Variants in CLEC4E observed in about 807,000 individuals in gnomAD.
CLEC4E encodes the protein C-type (calcium dependent, carbohydrate-recognition domain) lectin, superfamily member 9.
Under a neutral mutation model 24.7 loss-of-function variants are expected in CLEC4E, and 21 were observed. That is an observed-to-expected ratio of 0.85 (90% CI 0.60 to 1.22). The LOEUF is 1.22. Ranked by LOEUF, CLEC4E falls within the 50% of genes most tolerant of loss-of-function variation. CLEC4E has a pLI of 0.00. For synonymous variants in CLEC4E, 94 were observed against 85.7 expected (o/e 1.10, Z -0.54); for missense variants, 249 against 254.1 (o/e 0.98, Z 0.14).
At position 8,536,156 on chromosome 12, in the gene CLEC4E, A is replaced by G; in HGVS notation, c.422T>C (p.Leu141Pro). ...KPKMREFFIG[L>P]SDQVVEGQWQ... ...CTGACCCTCGACAACCTGGTCTGAC[A>G]GTCCAATAAAAAACTCTCTCATTTT... is the stretch of plus-strand genomic sequence containing the variant. Residue 141 changes from leucine (L) to proline (P), a missense_variant, in exon 5 of 6, where the codon CTG becomes CCG. By Grantham distance (98) the Leu-to-Pro change is moderately conservative (BLOSUM62 -3). Transcript: ENST00000299663. The G allele has an allele frequency of 9.3e-6, 15 of 1,613,444 alleles. No homozygotes were observed. The highest frequency in any genetic ancestry group is 1.2e-5 in the Non-Finnish European group (14 of 1,179,476).
intron 3 of CLEC4E, among the ~76,000 whole-genome samples, chr12:8,538,362 A>C (rs1444069648): frequency 6.6e-6 from 1 of 152,218 alleles, no homozygotes; most frequent in Non-Finnish European, 1.5e-5. Flanking sequence ...CAGAAATAAT[A>C]GCGTAAGCTG....
rs1221372923 is a variant in CLEC4E at position 8,533,533 on chromosome 12, T to C, written c.*1105A>G. 2 of 152,164 alleles carry C rather than the reference T, an allele frequency of 1.3e-5. No homozygotes were observed. The highest frequency in any genetic ancestry group is 4.8e-5 in the African/African-American group (2 of 41,440). 9.4% of individuals were successfully genotyped at this position (152,164 alleles called of 1,614,324 possible). On this transcript the variant is annotated 3_prime_UTR_variant, in exon 6 of 6. Coordinates refer to ENST00000299663, the MANE Select transcript of CLEC4E (RefSeq NM_014358.4). ...ACTAAGCAGCCTTAAAAAAGAAGAT[T>C]ATGTCTTTTGTGGGAACATCGGTAG...
chr12:8,540,133 A>AC (rs1209551683), intron 1 of CLEC4E, among the ~76,000 whole-genome samples, 186 bp from the exon 2 acceptor site: 1 of 152,078 alleles, frequency 6.6e-6, no homozygotes, highest in Non-Finnish European at 1.5e-5. Context: ...GCTGACCCTT[A>AC]CCCCCAGAGT....
Position 8,539,827 on chromosome 12 carries a change from TAAATTGAATTTGACCTTCAGAACCCACC to T in CLEC4E, c.130_130+27del. On this transcript the variant is annotated splice_donor_variant and splice_donor_5th_base_variant and coding_sequence_variant and intron_variant, in exon 2 of 6. Coordinates refer to ENST00000299663, the MANE Select transcript of CLEC4E (RefSeq NM_014358.4). LOFTEE classifies it high-confidence loss of function. ...TCTCCTAATATGCACCAGGAAGAAT[TAAATTGAATTTGACCTTCAGAACCCACC>T]AACACATCTGGTGATGAAACAGGCA... 1 of 1,399,290 alleles carries T rather than the reference TAAATTGAATTTGACCTTCAGAACCCACC, an allele frequency of 7.1e-7. No individual in the cohort carries two copies. Among genetic ancestry groups the T allele is most frequent in the Non-Finnish European group, 1.0e-6 (1 of 984,348 alleles). 86.7% of individuals were successfully genotyped at this position (1,399,290 alleles called of 1,614,324 possible).
chr12:8,537,049 ATATG>A, intron 4 of CLEC4E, 62 bp downstream of exon 4: 1 of 1,483,626 alleles, frequency 6.7e-7, no homozygotes, highest in Non-Finnish European at 9.3e-7. Context: ...AGCACTGTGC[ATATG>A]TATGAAAAGA....
intron 3 of CLEC4E, chr12:8,539,004 A>G: frequency 2.0e-6 from 1 of 489,986 alleles, no homozygotes; most frequent in Non-Finnish European, 3.6e-6. Context: ...TACTGTTCAG[A>G]CATACCCCTC....
chr12:8,536,028 C>G, intron 5 of CLEC4E, 62 bp downstream of exon 5: 7 of 930,404 alleles, frequency 7.5e-6, no homozygotes, highest in Non-Finnish European at 1.2e-5. Flanking sequence ...AATAATGGAC[C>G]TGATCTATTG....
chr12:8,533,953 AC>A lies in CLEC4E; in HGVS notation c.*684del, dbSNP rs1425412304. ...CTCGGGTCCTAGCTGAGCAATAGATACAAAATCTGGTGAGATCCATTCAGTC... is the reference window on the plus strand; with the variant it reads ...CTCGGGTCCTAGCTGAGCAATAGATAAAAATCTGGTGAGATCCATTCAGTC... On this transcript the variant is annotated 3_prime_UTR_variant, in exon 6 of 6. Transcript: ENST00000299663. 6.6e-6 allele frequency: 1 copy of A among 152,250 alleles called. No individual in the cohort carries two copies. Among genetic ancestry groups the A allele is most frequent in the Non-Finnish European group, 1.5e-5 (1 of 68,050 alleles). 9.4% of individuals were successfully genotyped at this position (152,250 alleles called of 1,614,324 possible). A position where few individuals can be genotyped will look rare whatever the true frequency, so the allele number is the denominator to read the frequency against.
At chr12:8,538,969 G>A (rs904612915) in intron 3 of CLEC4E, 18 of 447,620 alleles carry the variant, frequency 4.0e-5, no homozygotes, top group Non-Finnish European at 7.1e-5. Context: ...ACACTCCTGG[G>A]AATAATACCT....
chr12:8,535,348 A>G (rs1940597975), intron 5 of CLEC4E, among the ~76,000 whole-genome samples: 1 of 152,240 alleles, frequency 6.6e-6, no homozygotes, highest in African/African-American at 2.4e-5. Flanking sequence ...ATAAAGATTA[A>G]TAATACTGAT....
rs1049340625 is a variant in CLEC4E at position 8,534,342 on chromosome 12, G to A, written c.*296C>T. The A allele has an allele frequency of 2.1e-5, 4 of 187,658 alleles. No homozygotes were observed. Among genetic ancestry groups the A allele is most frequent in the East Asian group, 2.8e-4 (2 of 7,022 alleles). 11.6% of individuals were successfully genotyped at this position (187,658 alleles called of 1,614,324 possible). A position where few individuals can be genotyped will look rare whatever the true frequency, so the allele number is the denominator to read the frequency against. On this transcript the variant is annotated 3_prime_UTR_variant, in exon 6 of 6. Coordinates refer to ENST00000299663, the MANE Select transcript of CLEC4E (RefSeq NM_014358.4). ...CCCTTCTTTGCTAGACTCTGTCTTG[G>A]CTCCGTGTCCCTGTACTTTCATACG... is the stretch of plus-strand genomic sequence containing the variant.
chr12:8,537,324 G>T, intron 3 of CLEC4E, 58 bp from the exon 4 acceptor site: 3 of 1,535,042 alleles, frequency 2.0e-6, no homozygotes, highest in South Asian at 1.2e-5. Context: ...AAAACCCAAA[G>T]CTTCATCTGG....
rs1940582905 is a variant in CLEC4E at position 8,534,397 on chromosome 12, A to G, written c.*241T>C. ...CTAAAAAATGAGGCAAATGTAGCAAAAGGTAGTGAATTGCTTTGTAAATTC... is the reference window on the plus strand; with the variant it reads ...CTAAAAAATGAGGCAAATGTAGCAAGAGGTAGTGAATTGCTTTGTAAATTC... On this transcript the variant is annotated 3_prime_UTR_variant, in exon 6 of 6. Coordinates refer to ENST00000299663, the MANE Select transcript of CLEC4E (RefSeq NM_014358.4). 3.4e-6 allele frequency: 1 copy of G among 296,986 alleles called. No homozygotes were observed. Among genetic ancestry groups the G allele is most frequent in the African/African-American group, 2.2e-5 (1 of 45,836 alleles). The allele number at this position is 296,986 out of a possible 1,614,324, so 18.4% of individuals were successfully genotyped here.
rs780305512 is a variant in CLEC4E, at chr12:8,539,882, TGA to T, written c.101_102del (p.Leu34GlnfsTer19). On this transcript the variant is annotated frameshift_variant, in exon 2 of 6. Coordinates refer to ENST00000299663, the MANE Select transcript of CLEC4E (RefSeq NM_014358.4). LOFTEE classifies it high-confidence loss of function. Reference protein sequence around the residue: ...WTVAGIPILFLSACFITRCVV... With the variant: ...WTVAGIPILFXSACFITRCVV... ...ACACATCTGGTGATGAAACAGGCAC[TGA>T]GAAATAGGATGGGGATCCCAGCAAC... 40 of 1,611,416 alleles carry T rather than the reference TGA, an allele frequency of 2.5e-5. No individual in the cohort carries two copies. The highest frequency in any genetic ancestry group is 3.1e-5 in the Non-Finnish European group (36 of 1,177,684).
chr12:8,539,254 C>G lies in CLEC4E; in HGVS notation c.183G>C (p.Glu61Asp), dbSNP rs1271188675. The part of the protein sequence containing the change: ...TCDEKKFQLP[E>D]NFTELSCYNY... ...TGTAGCAGGAGAGCTCTGTGAAATT[C>G]TCAGGTAGCTGAAACTTTTTCTCAT... The change falls in exon 3 of 6, where the codon GAG (glutamate) becomes GAC (aspartate). Residue 61 changes from glutamate to aspartate, a missense_variant. By Grantham distance (45) the Glu-to-Asp change is conservative. Coordinates refer to ENST00000299663, the MANE Select transcript of CLEC4E (RefSeq NM_014358.4). 1 of 1,613,380 alleles carries G rather than the reference C, an allele frequency of 6.2e-7. No individual in the cohort carries two copies. The highest frequency in any genetic ancestry group is 8.5e-7 in the Non-Finnish European group (1 of 1,179,476).
In CLEC4E at chr12:8,533,834, C is replaced by T. The variant is rs906090694; in HGVS notation, c.*804G>A. The T allele has an allele frequency of 1.3e-5, 2 of 152,112 alleles. No individual in the cohort carries two copies. The highest frequency in any genetic ancestry group is 4.8e-5 in the African/African-American group (2 of 41,406). The allele number at this position is 152,112 out of a possible 1,614,324, so 9.4% of individuals were successfully genotyped here. A position where few individuals can be genotyped will look rare whatever the true frequency, so the allele number is the denominator to read the frequency against. The stretch of plus-strand genomic sequence containing the variant: ...TATAAAAAGCCTTTAACATGTACCC[C>T]CGAAAGCTAAAATAAAAGTTAAGAA... On this transcript the variant is annotated 3_prime_UTR_variant, in exon 6 of 6. Coordinates refer to ENST00000299663, the MANE Select transcript of CLEC4E (RefSeq NM_014358.4).
chr12:8,540,726 A>T, intron 1 of CLEC4E, 35 bp downstream of exon 1: 1 of 1,568,536 alleles, frequency 6.4e-7, no homozygotes, highest in Non-Finnish European at 8.8e-7. Flanking sequence ...CCAAAAAGAG[A>T]TCTATGGAAG....
rs1436916418 is a variant in CLEC4E, at chr12:8,534,647, T to A, written c.651A>T (p.Lys217Asn). ...MVGINPLNKG[K>N]SL is the part of the protein sequence containing the mutation. ...GTTGTGCCTTCTGTTCTTAAAGAGA[T>A]TTTCCTTTGTTCAAAGGATTTATTC... The change falls in exon 6 of 6, where the codon AAA becomes AAT. Residue 217 changes from lysine (K) to asparagine (N), a missense_variant. Physicochemically the swap from Lys to Asn is moderately conservative, Grantham distance 94. Transcript: ENST00000299663. The A allele has an allele frequency of 6.2e-7, 1 of 1,612,714 alleles. No individual in the cohort carries two copies. Among genetic ancestry groups the A allele is most frequent in the Admixed American group, 1.7e-5 (1 of 59,878 alleles).
chr12:8,540,701 T>C, intron 1 of CLEC4E, 60 bp downstream of exon 1: 1 of 1,444,578 alleles, frequency 6.9e-7, no homozygotes, highest in Non-Finnish European at 9.7e-7. Flanking sequence ...TCTTTCACCA[T>C]ATTTATCACT....
Sources: gnomAD v4.1 joint callset for allele counts (sites outside exome capture counted in the v4.1 genomes callset) on GRCh38, gnomAD v4.1.1 for gene constraint, MANE v1.5 for transcripts, NCBI Gene and HGNC (gene_info 2026-07-23, HGNC 2026-07-21) for gene names.